The following LAMA5 variants were observed in gnomAD, a reference collection of about 807,000 sequenced individuals.
LAMA5 encodes laminin subunit alpha-5.
In LAMA5, 260 loss-of-function variants were observed where a neutral mutation model predicts 433.4. The observed-to-expected ratio is 0.60, with a 90% CI of 0.54 to 0.66. The LOEUF is 0.66. Ranked by LOEUF, LAMA5 falls within the 30% of genes least tolerant of loss-of-function variation. The pLI, the probability that LAMA5 is intolerant of heterozygous loss-of-function variation, is 0.00. For synonymous variants in LAMA5, 2,620 were observed against 2,226.6 expected (o/e 1.18, Z -4.97); for missense variants, 5,378 against 5,258.5 (o/e 1.02, Z -0.70).
intron 1 of LAMA5, among the ~76,000 whole-genome samples, chr20:62,364,394 G>C (rs1231992490): frequency 6.6e-6 from 1 of 152,168 alleles, no homozygotes; most frequent in Non-Finnish European, 1.5e-5. Context: ...GAAGGTTGCG[G>C]GTCAAGGGTC....
Position 62,323,517 on chromosome 20 carries a change from G to T in LAMA5, c.6003C>A (p.Pro2001=). 6.4e-7 allele frequency: 1 copy of T among 1,571,448 alleles called. No homozygotes were observed. Among genetic ancestry groups the T allele is most frequent in the Non-Finnish European group, 8.6e-7 (1 of 1,161,248 alleles). The change falls in exon 45 of 80, where the codon CCC becomes CCA. Residue 2001 remains proline, a synonymous_variant. Transcript: ENST00000252999. ...CRGCLRHTTG[P]RCEICAPGFY... Reference sequence around the variant, plus strand: ...AGCCGGGGGCACAGATCTCGCAGCGGGGCCCAGTGGTGTGGCGCAGGCAGC... The same window carrying T: ...AGCCGGGGGCACAGATCTCGCAGCGTGGCCCAGTGGTGTGGCGCAGGCAGC...
chr20:62,351,101 C>A (rs905280877), intron 6 of LAMA5: 1 of 158,360 alleles, frequency 6.3e-6, no homozygotes, highest in African/African-American at 2.4e-5. Context: ...CCTCGGCTGC[C>A]CCCGAAAGCA....
intron 62 of LAMA5, 24 bp downstream of exon 62, chr20:62,314,280 C>T (rs780347064): frequency 4.3e-5 from 69 of 1,608,692 alleles, no homozygotes; most frequent in Admixed American, 2.2e-4. Context: ...TGGAGGCATC[C>T]GGCCTCTCTC....
At position 62,346,811 on chromosome 20, in the gene LAMA5, G is replaced by A. The variant is rs372895343; in HGVS notation, c.1073-11C>T. ...CGTAGCAGTTACAGGCTAGAGAGAG[G>A]GGAGCGCAGCTGTTGGCACGCCCTC... On this transcript the variant is annotated splice_polypyrimidine_tract_variant and intron_variant, in intron 7 of 79. Coordinates refer to ENST00000252999, the MANE Select transcript of LAMA5 (RefSeq NM_005560.6). 237 of 1,610,234 alleles carry A rather than the reference G, an allele frequency of 1.5e-4. No individual in the cohort carries two copies. In the African/African-American group the frequency reaches 3.0e-3, roughly 20 times the overall value.
At position 62,320,849 on chromosome 20, in the gene LAMA5, G is replaced by C; in HGVS notation, c.6538C>G (p.Arg2180Gly). 3.1e-6 allele frequency: 5 copies of C among 1,612,272 alleles called. No homozygotes were observed. The highest frequency in any genetic ancestry group is 4.2e-6 in the Non-Finnish European group (5 of 1,179,732). ...CVVLLLDDLE[R>G]AGALLPAIHE... ...ATGGCGGGGAGGAGGGCGCCGGCCC[G>C]TTCCAGGTCATCCAGGAGCAGGACC... The change falls in exon 49 of 80, where the codon CGG becomes GGG. Residue 2180 changes from arginine (R) to glycine (G), a missense_variant. Coordinates refer to ENST00000252999, the MANE Select transcript of LAMA5 (RefSeq NM_005560.6).
chr20:62,338,353 G>A lies in LAMA5; in HGVS notation c.1635C>T (p.Ser545=). The A allele has an allele frequency of 1.9e-6, 3 of 1,609,072 alleles. No individual in the cohort carries two copies. The highest frequency in any genetic ancestry group is 2.5e-6 in the Non-Finnish European group (3 of 1,177,920). ...CACAGCGGTCATCGGCCACTCCAGG[G>A]CTGGAACACTGGCAGGCTGCAGGAA... is the stretch of plus-strand genomic sequence containing the variant. ...GPGCQPCQCS[S]PGVADDRCDP... The change falls in exon 13 of 80, where the codon AGC becomes AGT. Residue 545 remains serine, a synonymous_variant. Coordinates refer to ENST00000252999, the MANE Select transcript of LAMA5 (RefSeq NM_005560.6).
chr20:62,343,774 CA>C (rs11474754), intron 11 of LAMA5, among the ~76,000 whole-genome samples: 27 of 61,378 alleles, frequency 4.4e-4, no homozygotes, highest in Admixed American at 1.6e-3. Flanking sequence ...GAAACTCCAT[CA>C]AAAAAAAAAA....
At position 62,362,561 on chromosome 20, in the gene LAMA5, G is replaced by T; in HGVS notation, c.298-9C>A. On this transcript the variant is annotated splice_polypyrimidine_tract_variant and intron_variant, in intron 1 of 79. Coordinates refer to ENST00000252999, the MANE Select transcript of LAMA5 (RefSeq NM_005560.6). ...ATGTCACAGTACTGGCCCTGCAGAG[G>T]GAACGGGAGGGTCAGATAGCCGAGA... 6.5e-7 allele frequency: 1 copy of T among 1,528,408 alleles called. No individual in the cohort carries two copies. 94.7% of individuals were successfully genotyped at this position (1,528,408 alleles called of 1,614,324 possible). A position where few individuals can be genotyped will look rare whatever the true frequency, so the allele number is the denominator to read the frequency against.
chr20:62,317,815 G>T, intron 53 of LAMA5, 37 bp from the exon 54 acceptor site: 2 of 1,165,864 alleles, frequency 1.7e-6, no homozygotes, highest in African/African-American at 1.7e-5. Flanking sequence ...ACAATGAGGG[G>T]TAAGAAAAGA....
rs755621028 is a variant in LAMA5, at chr20:62,351,666, C to T, written c.956+38G>A. On this transcript the variant is annotated intron_variant, in intron 6 of 79. Transcript: ENST00000252999. ...AGGACAGGCAGGGAGCTGGGGGGGG[C>T]CTCACCTGAACGGGGCCTCACCTGA... 1.4e-5 allele frequency: 22 copies of T among 1,584,946 alleles called. No individual in the cohort carries two copies. The South Asian group carries it at 2.3e-4, about 16-fold the overall frequency.
chr20:62,337,218 C>G (rs1981802535), intron 16 of LAMA5, among the ~76,000 whole-genome samples: 1 of 151,224 alleles, frequency 6.6e-6, no homozygotes, highest in Non-Finnish European at 1.5e-5. Flanking sequence ...TTATGCGACA[C>G]GCGCCCACAT....
chr20:62,311,002 A>G lies in LAMA5; in HGVS notation c.10181T>C (p.Leu3394Pro). 1.2e-6 allele frequency: 2 copies of G among 1,610,634 alleles called. No individual in the cohort carries two copies. Among genetic ancestry groups the G allele is most frequent in the Non-Finnish European group, 8.5e-7 (1 of 1,178,898 alleles). Residue 3394 changes from leucine to proline, a missense_variant, in exon 74 of 80, where the codon CTC (leucine) becomes CCC (proline). Physicochemically the swap from Leu to Pro is moderately conservative, Grantham distance 98. Coordinates refer to ENST00000252999, the MANE Select transcript of LAMA5 (RefSeq NM_005560.6). ...AACGAAGTGGCCATTGCTCAGGAAG[A>G]GCGCCAGGGAGGGGCTGCCGGGCCT... ...RLRPGSPSLA[L>P]FLSNGHFVAQ...
Position 62,315,955 on chromosome 20 carries a change from C to T in LAMA5, c.7860G>A (p.Met2620Ile), listed in dbSNP as rs141483169. The change falls in exon 58 of 80, where the codon ATG becomes ATA. Residue 2620 changes from methionine to isoleucine, a missense_variant. Transcript: ENST00000252999. ...HIQAAQAMLA[M>I]DTDETSKKIA... is the part of the protein sequence containing the mutation. ...GGCCCAGGCTCCGCATACCTGTGTCCATGGCAAGCATGGCCTGCGCCGCCT... is the reference window on the plus strand; with the variant it reads ...GGCCCAGGCTCCGCATACCTGTGTCTATGGCAAGCATGGCCTGCGCCGCCT... The T allele has an allele frequency of 1.1e-5, 18 of 1,599,904 alleles. No homozygotes were observed. In the African/African-American group the frequency reaches 1.7e-4, roughly 15 times the overall value.
At position 62,311,541 on chromosome 20, in the gene LAMA5, G is replaced by A; in HGVS notation, c.9807-5C>T. 9 of 1,609,754 alleles carry A rather than the reference G, an allele frequency of 5.6e-6. No individual in the cohort carries two copies. In the South Asian group the frequency reaches 7.7e-5, roughly 14 times the overall value. The stretch of plus-strand genomic sequence containing the variant: ...ACGCGCTGTGGGCCCAGGAGCCTGT[G>A]CAGGGCGGGCAGGCGGTCAGCAGCT... On this transcript the variant is annotated splice_region_variant and splice_polypyrimidine_tract_variant and intron_variant, in intron 71 of 79. Coordinates refer to ENST00000252999, the MANE Select transcript of LAMA5 (RefSeq NM_005560.6).
rs370349638 is a variant in LAMA5 at position 62,351,774 on chromosome 20, T to C, written c.886A>G (p.Ile296Val). ...RYYYSIKDISIGGRCVCHGHA... is the reference protein window; with the variant it reads ...RYYYSIKDISVGGRCVCHGHA... ...CCGTGGCAGACACAGCGGCCTCCGA[T>C]GCTGATATCCTTGATGCTGTAATAA... Residue 296 changes from isoleucine (I) to valine (V), a missense_variant, in exon 6 of 80, where the codon ATC becomes GTC. Coordinates refer to ENST00000252999, the MANE Select transcript of LAMA5 (RefSeq NM_005560.6). 8 of 1,610,602 alleles carry C rather than the reference T, an allele frequency of 5.0e-6. No homozygotes were observed. In the Admixed American group the frequency reaches 6.7e-5, roughly 13 times the overall value.
At chr20:62,321,130 GGTTGGGGCCGGA>G (rs2146108217) in intron 48 of LAMA5, among the ~76,000 whole-genome samples, 4 of 148,502 alleles carry the variant, frequency 2.7e-5, no homozygotes, top group African/African-American at 1.0e-4. Flanking sequence ...CAGCACAAGG[GGTTGGGGCCGGA>G]GGTGGGGCCA....
At chr20:62,357,273 C>T (rs953660822) in intron 2 of LAMA5, among the ~76,000 whole-genome samples, 4 of 152,328 alleles carry the variant, frequency 2.6e-5, no homozygotes, top group African/African-American at 4.8e-5. Context: ...ACTCAGCCCC[C>T]GCCCTGCAGG....
Position 62,323,551 on chromosome 20 carries a change from G to T in LAMA5, c.5969C>A (p.Ala1990Asp). ...GGTGTGGCGCAGGCAGCCACGGCAGGCGCCCGTCAGGGGGTCGCAGTCGCT... is the reference window on the plus strand; with the variant it reads ...GGTGTGGCGCAGGCAGCCACGGCAGTCGCCCGTCAGGGGGTCGCAGTCGCT... ...LFSDCDPLTG[A>D]CRGCLRHTTG... Residue 1990 changes from alanine to aspartate, a missense_variant, in exon 45 of 80, where the codon GCC becomes GAC. Coordinates refer to ENST00000252999, the MANE Select transcript of LAMA5 (RefSeq NM_005560.6). The T allele has an allele frequency of 6.3e-7, 1 of 1,593,934 alleles. No individual in the cohort carries two copies.
At position 62,336,731 on chromosome 20, in the gene LAMA5, C is replaced by A; in HGVS notation, c.2217+3G>T. The A allele has an allele frequency of 6.2e-7, 1 of 1,613,074 alleles. No individual in the cohort carries two copies. Among genetic ancestry groups the A allele is most frequent in the East Asian group, 2.2e-5 (1 of 44,882 alleles). On this transcript the variant is annotated splice_donor_region_variant and intron_variant, in intron 17 of 79. Transcript: ENST00000252999. ...TCCCACACACGAGCAGACTTGGGCTCACCTCAGGAAGGGCAGGATCCACTG... is the reference window on the plus strand; with the variant it reads ...TCCCACACACGAGCAGACTTGGGCTAACCTCAGGAAGGGCAGGATCCACTG...
Sources: allele counts gnomAD v4.1 joint callset (sites outside exome capture counted in the v4.1 genomes callset), GRCh38; gene constraint gnomAD v4.1.1; transcripts MANE v1.5; gene names NCBI Gene and HGNC (gene_info 2026-07-23, HGNC 2026-07-21).